Variants in NBAS observed in about 807,000 individuals in gnomAD.
The protein encoded by NBAS is NAG/BC035112 fusion.
NBAS carries 219 observed loss-of-function variants against 302.5 expected under a neutral mutation model. That is an observed-to-expected ratio of 0.72 (90% CI 0.65 to 0.81). NBAS has a LOEUF of 0.81. Ranked by LOEUF, NBAS falls within the 30% of genes least tolerant of loss-of-function variation. The probability of loss-of-function intolerance (pLI) is 0.00; values close to 1 mark genes in which losing one functional copy is unlikely to be tolerated. For synonymous variants in NBAS, 1,118 were observed against 1,021.6 expected, an observed-to-expected ratio of 1.09 and a Z score of -1.80; for missense variants, 2,932 against 2,841.6, an observed-to-expected ratio of 1.03 and a Z score of -0.72.
chr2:15,360,296 T>C (rs2148323492), intron 32 of NBAS, among the ~76,000 whole-genome samples: 1 of 150,032 alleles, frequency 6.7e-6, no homozygotes, highest in East Asian at 1.9e-4. Context: ...TTTTTCTTTC[T>C]TCAGTAATAA....
chr2:15,004,790 G>A, the NBAS span, among the ~76,000 whole-genome samples: 4 of 151,428 alleles, frequency 2.6e-5, no homozygotes, highest in African/African-American at 9.7e-5. Context: ...GATTATAGGT[G>A]TGAGCTACCA....
intron 35 of NBAS, among the ~76,000 whole-genome samples, chr2:15,334,062 A>G (rs1672469801): frequency 6.6e-6 from 1 of 152,200 alleles, no homozygotes; most frequent in South Asian, 2.1e-4. Flanking sequence ...TAAATTTTAC[A>G]GTAACACTAT....
chr2:14,984,662 C>G, the NBAS span, among the ~76,000 whole-genome samples: 1 of 152,218 alleles, frequency 6.6e-6, no homozygotes, highest in East Asian at 1.9e-4. Flanking sequence ...CCCTATACTT[C>G]CCTCCATATT....
the NBAS span, among the ~76,000 whole-genome samples, chr2:15,128,116 G>A: frequency 6.6e-6 from 1 of 151,994 alleles, no homozygotes; most frequent in African/African-American, 2.4e-5. Flanking sequence ...GAATTCCCAA[G>A]GGAATACAGG....
chr2:15,362,599 CAT>C (rs1323807795), intron 32 of NBAS, among the ~76,000 whole-genome samples: 1 of 152,150 alleles, frequency 6.6e-6, no homozygotes, highest in African/African-American at 2.4e-5. Context: ...GTAACAGTAA[CAT>C]ATATTGGAAA....
At chr2:14,797,534 C>T in the NBAS span, among the ~76,000 whole-genome samples, 2 of 152,260 alleles carry the variant, frequency 1.3e-5, no homozygotes, top group East Asian at 1.9e-4. Flanking sequence ...TGGGGCTTTT[C>T]GGTTCCTGGC....
At chr2:15,484,213 T>TATGA (rs1680536815) in intron 12 of NBAS, among the ~76,000 whole-genome samples, 1 of 152,186 alleles carries the variant, frequency 6.6e-6, no homozygotes, top group African/African-American at 2.4e-5. Flanking sequence ...ATGTTATTCA[T>TATGA]ATAAACTTCA....
the NBAS span, among the ~76,000 whole-genome samples, chr2:14,959,130 C>T: frequency 9.3e-4 from 142 of 152,326 alleles, 1 homozygote; most frequent in African/African-American, 3.4e-3. Flanking sequence ...CCACCACCAC[C>T]AGTTGGTTTG....
intron 31 of NBAS, among the ~76,000 whole-genome samples, chr2:15,368,761 A>T (rs1674343670): frequency 6.6e-6 from 1 of 152,182 alleles, no homozygotes; most frequent in Admixed American, 6.5e-5. Flanking sequence ...ATGTGAGTGG[A>T]AATGACATAT....
intron 10 of NBAS, among the ~76,000 whole-genome samples, chr2:15,505,094 A>G (rs1157175563): frequency 6.6e-6 from 1 of 152,218 alleles, no homozygotes; most frequent in Admixed American, 6.5e-5. Flanking sequence ...AAACTTTACA[A>G]TAACTGTAAG....
At chr2:15,041,554 G>A in the NBAS span, among the ~76,000 whole-genome samples, 2 of 152,236 alleles carry the variant, frequency 1.3e-5, no homozygotes, top group Non-Finnish European at 2.9e-5. Flanking sequence ...CCAAATGCCT[G>A]GGGAGGGCCG....
chr2:15,530,042 A>G (rs1663147368), intron 9 of NBAS, among the ~76,000 whole-genome samples: 1 of 152,304 alleles, frequency 6.6e-6, no homozygotes, highest in East Asian at 1.9e-4. Flanking sequence ...ATTTCAGATT[A>G]CCTACTGTAG....
intron 44 of NBAS, among the ~76,000 whole-genome samples, chr2:15,267,497 A>G (rs890177251): frequency 1.3e-5 from 2 of 152,342 alleles, no homozygotes; most frequent in African/African-American, 4.8e-5. Flanking sequence ...TAGCAACAAC[A>G]ATAACTATAA....
chr2:15,411,915 C>T (rs1289459187), intron 25 of NBAS, among the ~76,000 whole-genome samples: 1 of 152,088 alleles, frequency 6.6e-6, no homozygotes, highest in African/African-American at 2.4e-5. Flanking sequence ...AAGCTTTTGT[C>T]CCCCAGTTAC....
intron 21 of NBAS, among the ~76,000 whole-genome samples, chr2:15,444,762 A>G (rs1317683890): frequency 6.6e-6 from 1 of 152,174 alleles, no homozygotes; most frequent in African/African-American, 2.4e-5. Flanking sequence ...TCATCTGACA[A>G]AGGGCTAATA....
chr2:15,164,958 G>A (rs1351627080), downstream of NBAS, among the ~76,000 whole-genome samples: 1 of 152,126 alleles, frequency 6.6e-6, no homozygotes, highest in African/African-American at 2.4e-5. Context: ...GTGGGGCTGG[G>A]GGACTGGAAT....
intron 38 of NBAS, among the ~76,000 whole-genome samples, chr2:15,309,673 TC>T (rs1671191002): frequency 6.6e-6 from 1 of 152,138 alleles, no homozygotes; most frequent in African/African-American, 2.4e-5. Flanking sequence ...TTAGAGTAAA[TC>T]TTTTGATTAC....
intron 51 of NBAS, among the ~76,000 whole-genome samples, chr2:15,171,873 C>A (rs892104509): frequency 1.3e-5 from 2 of 152,226 alleles, no homozygotes; most frequent in Non-Finnish European, 2.9e-5. Flanking sequence ...GCCGTCGACA[C>A]GCCAAGGAGA....
At chr2:15,157,927 C>T in the NBAS span, among the ~76,000 whole-genome samples, 39 of 152,266 alleles carry the variant, frequency 2.6e-4, no homozygotes, top group African/African-American at 8.9e-4. Flanking sequence ...GCCAAGCATG[C>T]GCCTTGTAAA....
Sources: allele counts gnomAD v4.1 joint callset (sites outside exome capture counted in the v4.1 genomes callset), GRCh38; gene constraint gnomAD v4.1.1; transcripts MANE v1.5; gene names NCBI Gene and HGNC (gene_info 2026-07-23, HGNC 2026-07-21).